Variants in ADAMTS12 observed in about 807,000 individuals in gnomAD.
ADAMTS12 encodes the protein A disintegrin and metalloproteinase with thrombospondin motifs 12.
Under a neutral mutation model 167.8 loss-of-function variants are expected in ADAMTS12, and 118 were observed. The ratio of observed to expected loss-of-function variants is 0.70; its 90% CI spans 0.61 to 0.82. ADAMTS12 has a LOEUF of 0.82. ADAMTS12 is among the 40% of genes least tolerant of loss of function. The pLI is 0.00. For missense variants in ADAMTS12, 1,916 were observed against 1,998.8 expected, an observed-to-expected ratio of 0.96 and a Z score of 0.79; for synonymous variants, 704 against 716.9, an observed-to-expected ratio of 0.98 and a Z score of 0.29.
intron 22 of ADAMTS12, among the ~76,000 whole-genome samples, chr5:33,545,689 G>A (rs1744937902): frequency 6.6e-6 from 1 of 152,070 alleles, no homozygotes; most frequent in Admixed American, 6.6e-5. Flanking sequence ...CCATAAAAAA[G>A]GATGAGTTCA....
chr5:33,628,634 C>T lies in ADAMTS12; in HGVS notation c.2022+2146G>A, dbSNP rs565016155. Among the ~76,000 whole-genome samples, 378 of 152,208 alleles carry T rather than the reference C, an allele frequency of 2.5e-3. 1 individual carries two copies. The highest frequency in any genetic ancestry group is 8.8e-3 in the African/African-American group (364 of 41,514). On this transcript the variant is annotated intron_variant, in intron 13 of 23. Coordinates refer to ENST00000504830, the MANE Select transcript of ADAMTS12 (RefSeq NM_030955.4). ...AGACAAACACTGCATACATTGTTTT[C>T]CTGAAAGCATATACTTTTATGTAAT...
At chr5:33,598,610 T>C (rs1191570518) in intron 16 of ADAMTS12, among the ~76,000 whole-genome samples, 1 of 152,192 alleles carries the variant, frequency 6.6e-6, no homozygotes, top group Non-Finnish European at 1.5e-5. Context: ...AGTTTAATCA[T>C]TGGAAACCTT....
intron 2 of ADAMTS12, among the ~76,000 whole-genome samples, chr5:33,868,421 G>A (rs1749911370): frequency 6.6e-6 from 1 of 152,200 alleles, no homozygotes; most frequent in Non-Finnish European, 1.5e-5. Context: ...TGACATAGAA[G>A]TCCAGGCTAA....
In ADAMTS12 at chr5:33,584,767, A is replaced by AG. The variant is rs1397787769; in HGVS notation, c.2865+3831dup. Among the ~76,000 whole-genome samples, 3 of 152,336 alleles carry AG rather than the reference A, an allele frequency of 2.0e-5. No homozygotes were observed. The East Asian group carries it at 5.8e-4, about 29-fold the overall frequency. On this transcript the variant is annotated intron_variant, in intron 18 of 23. Coordinates refer to ENST00000504830, the MANE Select transcript of ADAMTS12 (RefSeq NM_030955.4). ...TTAGATTGCCAGGGCTGGAAAACCT[A>AG]GAAAAATTACCACCTATCATTACTA...
At chr5:33,715,389 T>C (rs1743568360) in intron 3 of ADAMTS12, among the ~76,000 whole-genome samples, 1 of 152,160 alleles carries the variant, frequency 6.6e-6, no homozygotes, top group Admixed American at 6.6e-5. Context: ...AGAGAATTCA[T>C]ATGCAGTTGT....
rs1043501822 is a variant in ADAMTS12, at chr5:33,526,129, G to A, written c.*1059C>T. On this transcript the variant is annotated 3_prime_UTR_variant, in exon 24 of 24. Coordinates refer to ENST00000504830, the MANE Select transcript of ADAMTS12 (RefSeq NM_030955.4). ...GATTAGAAGTTTGCACTATGTTCTT[G>A]TACTTAGTACAATTTACCTGGTTCT... 6.6e-6 allele frequency: 1 copy of A among 152,124 alleles called. No individual in the cohort carries two copies. Among genetic ancestry groups the A allele is most frequent in the Non-Finnish European group, 1.5e-5 (1 of 68,018 alleles). 9.4% of individuals were successfully genotyped at this position (152,124 alleles called of 1,614,324 possible).
At chr5:33,860,554 T>C (rs1042877250) in intron 2 of ADAMTS12, among the ~76,000 whole-genome samples, 1 of 152,084 alleles carries the variant, frequency 6.6e-6, no homozygotes, top group African/African-American at 2.4e-5. Context: ...TATCTGAAAG[T>C]GTCGAGGAGA....
intron 2 of ADAMTS12, among the ~76,000 whole-genome samples, chr5:33,835,953 CTGTG>C (rs146410588): frequency 0.54 from 47,176 of 87,732 alleles, 11,056 homozygotes; most frequent in Non-Finnish European, 0.64. Flanking sequence ...CTCTCTCTCT[CTGTG>C]TGTGTGTGTG....
At chr5:33,532,715 G>T (rs1744179183) in intron 23 of ADAMTS12, among the ~76,000 whole-genome samples, 1 of 152,082 alleles carries the variant, frequency 6.6e-6, no homozygotes, top group Non-Finnish European at 1.5e-5. Flanking sequence ...TTCCAATTTA[G>T]ATTTTAAGTC....
intron 19 of ADAMTS12, among the ~76,000 whole-genome samples, chr5:33,561,518 C>T (rs551807089): frequency 3.9e-5 from 6 of 152,322 alleles, no homozygotes; most frequent in Non-Finnish European, 7.3e-5. Context: ...GGCAGTGGCT[C>T]ATGCCTTTAA....
intron 2 of ADAMTS12, among the ~76,000 whole-genome samples, chr5:33,789,943 T>C (rs1046805650): frequency 2.4e-4 from 35 of 147,088 alleles, no homozygotes; most frequent in African/African-American, 8.5e-4. Context: ...ATCCGCTATC[T>C]CATGTCATTT....
At chr5:33,833,318 C>A (rs1748378163) in intron 2 of ADAMTS12, among the ~76,000 whole-genome samples, 1 of 152,204 alleles carries the variant, frequency 6.6e-6, no homozygotes, top group South Asian at 2.1e-4. Flanking sequence ...CTCTGACAAG[C>A]ATTTCTGTAT....
rs188311109 is a variant in ADAMTS12 at position 33,768,770 on chromosome 5, A to G, written c.490-17222T>C. 5.0e-3 allele frequency among the ~76,000 whole-genome samples: 754 copies of G among 152,284 alleles called. 5 individuals carry two copies. The highest frequency in any genetic ancestry group is 7.2e-3 in the Non-Finnish European group (492 of 68,020). On this transcript the variant is annotated intron_variant, in intron 2 of 23. Coordinates refer to ENST00000504830, the MANE Select transcript of ADAMTS12 (RefSeq NM_030955.4). ...GGAACATGTAGTGGCATGATAAGAA[A>G]CTACTCATATTGTTACATATCAAAA... is the stretch of plus-strand genomic sequence containing the variant.
intron 22 of ADAMTS12, among the ~76,000 whole-genome samples, chr5:33,543,754 C>T (rs1744821841): frequency 6.6e-6 from 1 of 152,172 alleles, no homozygotes; most frequent in African/African-American, 2.4e-5. Flanking sequence ...GAACCAACAA[C>T]AAAAACCACA....
intron 1 of ADAMTS12, among the ~76,000 whole-genome samples, chr5:33,883,426 A>G (rs1031015949): frequency 6.7e-6 from 1 of 150,014 alleles, no homozygotes; most frequent in African/African-American, 2.5e-5. Context: ...GGCAGAATAC[A>G]GAGTTTTCAC....
At chr5:33,655,660 C>A (rs370749953) in intron 7 of ADAMTS12, among the ~76,000 whole-genome samples, 1 of 62,706 alleles carries the variant, frequency 1.6e-5, no homozygotes. Context: ...TTTAATTTTA[C>A]TTTAAGTTCT....
chr5:33,793,875 T>TC (rs376900750), intron 2 of ADAMTS12, among the ~76,000 whole-genome samples: 24 of 151,804 alleles, frequency 1.6e-4, no homozygotes, highest in African/African-American at 5.3e-4. Context: ...CTTTAGTTCT[T>TC]CCCCCCTCCC....
chr5:33,575,194 A>G (rs2111957739), intron 19 of ADAMTS12, among the ~76,000 whole-genome samples: 1 of 152,316 alleles, frequency 6.6e-6, no homozygotes, highest in East Asian at 1.9e-4. Context: ...ACAAACCAAA[A>G]AGAAAAGAAA....
intron 3 of ADAMTS12, among the ~76,000 whole-genome samples, chr5:33,726,349 C>T (rs1312658859): frequency 3.3e-5 from 5 of 152,232 alleles, no homozygotes; most frequent in Middle Eastern, 6.8e-3. Context: ...CCGTGGCTGA[C>T]GCTAAAGTCT....
Sources: allele counts gnomAD v4.1 joint callset (sites outside exome capture counted in the v4.1 genomes callset), GRCh38; gene constraint gnomAD v4.1.1; transcripts MANE v1.5; gene names NCBI Gene and HGNC (gene_info 2026-07-23, HGNC 2026-07-21).